RBFOX2: variants seen among roughly 807,000 people sequenced by gnomAD.
RBFOX2 encodes RNA binding fox-1 homolog 2.
A neutral mutation model predicts 49.1 loss-of-function variants in RBFOX2; 10 were observed. The observed-to-expected ratio is 0.20, with a 90% CI of 0.13 to 0.35. RBFOX2 has a LOEUF of 0.35. Among genes scored for constraint, RBFOX2 ranks in the 10% least tolerant of loss-of-function variants. The probability of loss-of-function intolerance (pLI) is 1.00; values close to 1 mark genes in which losing one functional copy is unlikely to be tolerated. For synonymous variants in RBFOX2, 183 were observed against 187.4 expected, an observed-to-expected ratio of 0.98 and a Z score of 0.19; for missense variants, 323 against 486.9, an observed-to-expected ratio of 0.66 and a Z score of 3.17.
intron 1 of RBFOX2, 44 bp downstream of exon 1, chr22:36,028,196 C>A: frequency 1.4e-6 from 2 of 1,429,444 alleles, no homozygotes; most frequent in African/African-American, 1.5e-5. Context: ...TCGACCCTCA[C>A]GCCCACCCCC....
intron 1 of RBFOX2, among the ~76,000 whole-genome samples, chr22:35,914,412 T>G (rs1226660512): frequency 6.6e-6 from 1 of 152,234 alleles, no homozygotes; most frequent in Non-Finnish European, 1.5e-5. Flanking sequence ...CCTTTTCCTC[T>G]CATTGTGCAT....
chr22:35,833,785 T>C (rs1330781032), intron 1 of RBFOX2, among the ~76,000 whole-genome samples: 1 of 152,206 alleles, frequency 6.6e-6, no homozygotes, highest in Non-Finnish European at 1.5e-5. Flanking sequence ...TGGACATTAA[T>C]AGTACTGCTG....
intron 1 of RBFOX2, among the ~76,000 whole-genome samples, chr22:35,863,094 G>C (rs916232069): frequency 1.3e-5 from 2 of 152,058 alleles, no homozygotes; most frequent in African/African-American, 4.8e-5. Flanking sequence ...TCAGCTGGGG[G>C]GCAGGGGAGA....
intron 1 of RBFOX2, among the ~76,000 whole-genome samples, chr22:35,899,113 T>C (rs2048230168): frequency 9.2e-6 from 1 of 108,282 alleles, no homozygotes; most frequent in Non-Finnish European, 1.9e-5. Flanking sequence ...AGCAAAATTC[T>C]GTCTCAAAAA....
At chr22:35,859,803 T>C (rs1390509534) in intron 1 of RBFOX2, among the ~76,000 whole-genome samples, 4 of 152,210 alleles carry the variant, frequency 2.6e-5, no homozygotes, top group Non-Finnish European at 4.4e-5. Context: ...CCTCAAGTGA[T>C]CTACCCACCT....
chr22:35,855,315 T>A (rs562544579), intron 1 of RBFOX2, among the ~76,000 whole-genome samples: 6 of 152,196 alleles, frequency 3.9e-5, no homozygotes, highest in Non-Finnish European at 8.8e-5. Flanking sequence ...AGTATTAAAG[T>A]TCATGTGTCC....
chr22:35,906,959 T>C (rs2049191255), intron 1 of RBFOX2, among the ~76,000 whole-genome samples: 1 of 152,218 alleles, frequency 6.6e-6, no homozygotes. Context: ...AATCTTGTAT[T>C]ATTTAGCTTT....
intron 6 of RBFOX2, among the ~76,000 whole-genome samples, chr22:35,762,138 C>T (rs373484204): frequency 1.4e-4 from 22 of 152,180 alleles, no homozygotes; most frequent in African/African-American, 4.1e-4. Flanking sequence ...GTTAATCAGA[C>T]TTCTTAGCTA....
In RBFOX2 at chr22:36,019,258, C is replaced by A. The variant is rs535358820; in HGVS notation, c.186+8982G>T. Among the ~76,000 whole-genome samples the A allele has an allele frequency of 2.0e-5, 3 of 152,264 alleles. No homozygotes were observed. The South Asian group carries it at 6.2e-4, about 32-fold the overall frequency. ...TTCACTCCTTAGCAAAGAATTGTCT[C>A]CCCTTCCTCTGACAAGAGAGACCAC... On this transcript the variant is annotated intron_variant, in intron 1 of 13. Transcript: ENST00000438146.
At chr22:35,799,098 G>A (rs1209465496) in intron 2 of RBFOX2, among the ~76,000 whole-genome samples, 1 of 152,102 alleles carries the variant, frequency 6.6e-6, no homozygotes, top group Non-Finnish European at 1.5e-5. Context: ...CAATAGAGGT[G>A]ACAGAAACAG....
intron 3 of RBFOX2, among the ~76,000 whole-genome samples, chr22:35,780,770 TG>T (rs1569071098): frequency 6.6e-6 from 1 of 152,224 alleles, no homozygotes; most frequent in Admixed American, 6.5e-5. Flanking sequence ...AAAGGTTACA[TG>T]AATTCCAAAG....
intron 9 of RBFOX2, 114 bp from the exon 12 acceptor site, chr22:35,746,675 A>G: frequency 2.1e-6 from 1 of 481,066 alleles, no homozygotes. Context: ...GACTGACACA[A>G]ACATAGACAC....
rs760218136 is a variant in RBFOX2 at position 35,789,204 on chromosome 22, T to C, written c.253-7458A>G. Among the ~76,000 whole-genome samples the C allele has an allele frequency of 3.3e-5, 5 of 152,152 alleles. No homozygotes were observed. In the East Asian group the frequency reaches 5.8e-4, roughly 18 times the overall value. ...AGAAATAGGTTGTGTTGTAAACTTATGAAAAATATAATTTTCAGAACTTTT... is the reference window on the plus strand; with the variant it reads ...AGAAATAGGTTGTGTTGTAAACTTACGAAAAATATAATTTTCAGAACTTTT... On this transcript the variant is annotated intron_variant, in intron 2 of 11. Transcript: ENST00000405409.
intron 1 of RBFOX2, among the ~76,000 whole-genome samples, chr22:35,938,013 G>A (rs1393315005): frequency 6.6e-6 from 1 of 152,144 alleles, no homozygotes; most frequent in Non-Finnish European, 1.5e-5. Context: ...GTATAACAAT[G>A]GTAGCTTTTT....
At chr22:35,760,495 C>T (rs1480893024) in intron 8 of RBFOX2, among the ~76,000 whole-genome samples, 1 of 152,190 alleles carries the variant, frequency 6.6e-6, no homozygotes, top group Admixed American at 6.5e-5. Flanking sequence ...TATATTTTTA[C>T]ATGGTACCAA....
exon 2 of RBFOX2, chr22:35,809,874 T>C: frequency 6.2e-7 from 1 of 1,614,134 alleles, no homozygotes; most frequent in Non-Finnish European, 8.5e-7. Context: ...CTCACCGGTC[T>C]GGCCGGCATA....
upstream of RBFOX2, among the ~76,000 whole-genome samples, chr22:35,940,977 C>T (rs2053631819): frequency 1.3e-5 from 2 of 152,008 alleles, no homozygotes; most frequent in African/African-American, 4.8e-5. Context: ...AGGGAGATGA[C>T]AATGTTCTGG....
chr22:35,848,477 T>C (rs1056345851), intron 1 of RBFOX2, among the ~76,000 whole-genome samples: 4 of 152,212 alleles, frequency 2.6e-5, no homozygotes, highest in Admixed American at 2.0e-4. Flanking sequence ...TGCCATATGA[T>C]TGCAATATTG....
chr22:35,802,787 G>A (rs1950017144), intron 2 of RBFOX2, among the ~76,000 whole-genome samples: 1 of 152,136 alleles, frequency 6.6e-6, no homozygotes, highest in Admixed American at 6.5e-5. Flanking sequence ...AGTCACAAAA[G>A]GGCCAGATAT....
Sources: allele counts gnomAD v4.1 joint callset (sites outside exome capture counted in the v4.1 genomes callset), GRCh38; gene constraint gnomAD v4.1.1; transcripts MANE v1.5; gene names NCBI Gene and HGNC (gene_info 2026-07-23, HGNC 2026-07-21).